PDE1A: variants seen among roughly 807,000 people sequenced by gnomAD.
The protein encoded by PDE1A is phosphodiesterase 1A.
Under a neutral mutation model 61.7 loss-of-function variants are expected in PDE1A, and 35 were observed. That is an observed-to-expected ratio of 0.57 (90% confidence interval 0.43 to 0.75). The LOEUF is 0.75. Among genes scored for constraint, PDE1A ranks in the 30% least tolerant of loss-of-function variants. The pLI is 0.00. For missense variants in PDE1A, 597 were observed against 630.6 expected, an observed-to-expected ratio of 0.95 and a Z score of 0.57; for synonymous variants, 232 against 213.2, an observed-to-expected ratio of 1.09 and a Z score of -0.77.
intron 10 of PDE1A, among the ~76,000 whole-genome samples, chr2:182,198,055 G>A (rs770734100): frequency 1.3e-5 from 2 of 151,734 alleles, no homozygotes; most frequent in Non-Finnish European, 3.0e-5. Context: ...CATTTATATA[G>A]GTCTTAAAAT....
At chr2:182,536,056 T>A in the PDE1A span, among the ~76,000 whole-genome samples, 2 of 152,210 alleles carry the variant, frequency 1.3e-5, no homozygotes, top group East Asian at 3.9e-4. Context: ...TGATATAGCA[T>A]GAGCTACATT....
chr2:182,690,836 A>AG, the PDE1A span, among the ~76,000 whole-genome samples: 6 of 152,184 alleles, frequency 3.9e-5, no homozygotes, highest in Non-Finnish European at 4.4e-5. Context: ...GCAAAGTCTC[A>AG]GATACAAAAT....
the PDE1A span, among the ~76,000 whole-genome samples, chr2:182,622,015 A>G: frequency 2.0e-5 from 3 of 152,352 alleles, no homozygotes; most frequent in African/African-American, 7.2e-5. Flanking sequence ...TAAACTACAG[A>G]ACATTATAGA....
rs201353418 is a variant in PDE1A at position 182,223,982 on chromosome 2, G to T, written c.676-18C>A. The T allele has an allele frequency of 6.5e-6, 10 of 1,535,430 alleles. No individual in the cohort carries two copies. Among genetic ancestry groups the T allele is most frequent in the Middle Eastern group, 1.7e-4 (1 of 5,876 alleles). On this transcript the variant is annotated intron_variant, in intron 6 of 13. Transcript: ENST00000351439. The stretch of plus-strand genomic sequence containing the variant: ...AGCCAGTGCTAGTAAATTACAGAAA[G>T]AATCCATTATATTCAAGAAGTAGAT...
rs375568303 is a variant in PDE1A, at chr2:182,504,597, G to A, written c.101+17679C>T. On this transcript the variant is annotated intron_variant, in intron 2 of 14. Transcript: ENST00000410103. The stretch of plus-strand genomic sequence containing the variant: ...AATCTCTTAAACTGGGTATTATTTC[G>A]GTTGTGAATTTCATTTTGGAACACT... Among the ~76,000 whole-genome samples, 12 of 152,196 alleles carry A rather than the reference G, an allele frequency of 7.9e-5. No individual in the cohort carries two copies. In the East Asian group the frequency reaches 9.6e-4, roughly 12 times the overall value.
At chr2:182,421,302 C>T (rs1703264673) in intron 1 of PDE1A, among the ~76,000 whole-genome samples, 1 of 152,150 alleles carries the variant, frequency 6.6e-6, no homozygotes, top group Non-Finnish European at 1.5e-5. Flanking sequence ...CATCAAGCTG[C>T]TCTAGCTGAG....
At chr2:182,603,892 A>G in the PDE1A span, among the ~76,000 whole-genome samples, 1 of 152,188 alleles carries the variant, frequency 6.6e-6, no homozygotes, top group Non-Finnish European at 1.5e-5. Context: ...AAAATTTCAT[A>G]GAGTGATGTT....
At chr2:182,700,690 C>T in the PDE1A span, among the ~76,000 whole-genome samples, 6 of 125,670 alleles carry the variant, frequency 4.8e-5, no homozygotes, top group African/African-American at 1.8e-4. Flanking sequence ...CCTCTGCACT[C>T]CAGCCTGGGC....
At chr2:182,681,307 TTTAA>T in the PDE1A span, among the ~76,000 whole-genome samples, 1 of 140,628 alleles carries the variant, frequency 7.1e-6, no homozygotes, top group African/African-American at 2.5e-5. Context: ...TTTATAATTA[TTTAA>T]TTATTTATTT....
At chr2:182,168,843 A>G (rs1320960786) in intron 13 of PDE1A, among the ~76,000 whole-genome samples, 1 of 152,106 alleles carries the variant, frequency 6.6e-6, no homozygotes, top group Non-Finnish European at 1.5e-5. Context: ...TGCTAACAAC[A>G]ACAACAAAAT....
chr2:182,264,497 T>C (rs1161065101), intron 1 of PDE1A, 83 bp from the exon 2 acceptor site: 8 of 895,350 alleles, frequency 8.9e-6, no homozygotes, highest in Non-Finnish European at 1.2e-5. Flanking sequence ...TTAAATACAC[T>C]CAGTTAAGAT....
chr2:182,649,275 T>C, the PDE1A span, among the ~76,000 whole-genome samples: 1 of 152,166 alleles, frequency 6.6e-6, no homozygotes, highest in Admixed American at 6.5e-5. Context: ...CATAAGTTAT[T>C]AGCACAGAAA....
At chr2:182,449,128 C>A (rs1477201147) in intron 2 of PDE1A, among the ~76,000 whole-genome samples, 4 of 150,566 alleles carry the variant, frequency 2.7e-5, no homozygotes, top group African/African-American at 7.3e-5. Flanking sequence ...TTAGGATAGT[C>A]TTGTCAAACC....
the PDE1A span, among the ~76,000 whole-genome samples, chr2:182,589,090 A>AATAATT: frequency 2.3e-5 from 3 of 129,852 alleles, no homozygotes; most frequent in Non-Finnish European, 4.9e-5. Context: ...TAATAATAAT[A>AATAATT]ATTTTAATGA....
chr2:182,577,990 A>AAGGAAGGAAGGAAGGAAGGAAGGG, the PDE1A span, among the ~76,000 whole-genome samples: 39 of 137,608 alleles, frequency 2.8e-4, 2 homozygotes, highest in African/African-American at 1.1e-3. Context: ...GGAAGGAAGG[A>AAGGAAGGAAGGAAGGAAGGAAGGG]AGGGACGGAG....
intron 6 of PDE1A, 70 bp from the exon 7 acceptor site, chr2:182,224,034 C>T (rs1244051424): frequency 2.1e-6 from 2 of 936,556 alleles, no homozygotes; most frequent in Non-Finnish European, 3.4e-6. Flanking sequence ...TTGAAAAGGA[C>T]TTTCAGTGCA....
At chr2:182,521,032 C>A (rs951491072) in intron 2 of PDE1A, among the ~76,000 whole-genome samples, 1 of 151,970 alleles carries the variant, frequency 6.6e-6, no homozygotes, top group African/African-American at 2.4e-5. Context: ...GAAAGTTATT[C>A]TCTGCTATAT....
chr2:182,429,738 T>C (rs1703833769), upstream of PDE1A, among the ~76,000 whole-genome samples: 1 of 152,170 alleles, frequency 6.6e-6, no homozygotes, highest in Non-Finnish European at 1.5e-5. Flanking sequence ...TGTCATGGTA[T>C]TTTCCATTAA....
chr2:182,168,866 T>C (rs1691857110), intron 13 of PDE1A, among the ~76,000 whole-genome samples: 1 of 152,054 alleles, frequency 6.6e-6, no homozygotes, highest in Non-Finnish European at 1.5e-5. Context: ...CTGATTGAAT[T>C]ACAGACCGGA....
Sources: allele counts gnomAD v4.1 joint callset (sites outside exome capture counted in the v4.1 genomes callset), GRCh38; gene constraint gnomAD v4.1.1; transcripts MANE v1.5; gene names NCBI Gene and HGNC (gene_info 2026-07-23, HGNC 2026-07-21).